Variants in CLASRP observed in about 807,000 individuals in gnomAD.
CLASRP encodes the protein CLK4-associating serine/arginine rich protein.
In CLASRP, 52 loss-of-function variants were observed where a neutral mutation model predicts 99.9. The observed-to-expected ratio is 0.52, with a 90% CI of 0.42 to 0.66. The LOEUF is 0.66. Ranked by LOEUF, CLASRP falls within the 30% of genes least tolerant of loss-of-function variation. CLASRP has a pLI of 0.00. For synonymous variants in CLASRP, 379 were observed against 373.0 expected, an observed-to-expected ratio of 1.02 and a Z score of -0.18; for missense variants, 848 against 999.2, an observed-to-expected ratio of 0.85 and a Z score of 2.04.
At chr19:45,053,779 A>G (rs1972071147) in intron 5 of CLASRP, among the ~76,000 whole-genome samples, 1 of 152,098 alleles carries the variant, frequency 6.6e-6, no homozygotes, top group South Asian at 2.1e-4. Flanking sequence ...ACGCCCAGCC[A>G]AGAATACGTT....
At position 45,067,474 on chromosome 19, in the gene CLASRP, C is replaced by CCAGCCCCAGCCAGAGCCGCAGCCG; in HGVS notation, c.1553_1576dup (p.Pro518_Ser525dup). Reference sequence around the variant, plus strand: ...CTGACTCGCAGCCGCAGCCATAGCCCCAGCCCCAGCCAGAGCCGCAGCCGC... The same window carrying CCAGCCCCAGCCAGAGCCGCAGCCG: ...CTGACTCGCAGCCGCAGCCATAGCCCCAGCCCCAGCCAGAGCCGCAGCCGCAGCCCCAGCCAGAGCCGCAGCCGC... On this transcript the variant is annotated inframe_insertion, in exon 14 of 21. Coordinates refer to ENST00000221455, the MANE Select transcript of CLASRP (RefSeq NM_007056.3). This position sits in a 1 kb window ranked among gnomAD's most constrained non-coding sequence, Gnocchi z 4.9. 1 of 1,561,740 alleles carries CCAGCCCCAGCCAGAGCCGCAGCCG rather than the reference C, an allele frequency of 6.4e-7. No homozygotes were observed. Among genetic ancestry groups the CCAGCCCCAGCCAGAGCCGCAGCCG allele is most frequent in the Non-Finnish European group, 8.6e-7 (1 of 1,158,532 alleles).
At chr19:45,063,164 C>T (rs981210815) in intron 11 of CLASRP, among the ~76,000 whole-genome samples, 5 of 151,516 alleles carry the variant, frequency 3.3e-5, no homozygotes, top group East Asian at 1.9e-4. Context: ...TTAAAAAACA[C>T]GTTTGTTTTT....
intron 3 of CLASRP, 102 bp downstream of exon 3, chr19:45,052,270 C>T (rs1225334607): frequency 3.2e-6 from 3 of 925,210 alleles, no homozygotes; most frequent in Non-Finnish European, 5.1e-6. Context: ...ATGGACAGAC[C>T]TTTGGGGACT....
At chr19:45,061,467 C>T (rs966011233) in intron 10 of CLASRP, among the ~76,000 whole-genome samples, 3 of 149,512 alleles carry the variant, frequency 2.0e-5, no homozygotes, top group Non-Finnish European at 3.0e-5. Context: ...GATAGTCTCT[C>T]TTTTTTTTTT....
intron 2 of CLASRP, among the ~76,000 whole-genome samples, chr19:45,045,512 G>A (rs753760392): frequency 1.6e-4 from 25 of 151,888 alleles, no homozygotes; most frequent in South Asian, 4.2e-4. Context: ...ATAAGACCCT[G>A]TCTTTAAAAA....
intron 3 of CLASRP, among the ~76,000 whole-genome samples, chr19:45,052,523 T>C (rs1325048305): frequency 2.6e-5 from 4 of 152,070 alleles, no homozygotes; most frequent in African/African-American, 7.2e-5. Context: ...TCCCCACTAT[T>C]GCTTGGTTGT....
At chr19:45,052,739 TG>T in intron 3 of CLASRP, 51 bp from the exon 4 acceptor site, 1 of 1,360,172 alleles carries the variant, frequency 7.4e-7, no homozygotes, top group Non-Finnish European at 1.0e-6. Flanking sequence ...CTTTGTGTCC[TG>T]GGCAGTATGG....
Position 45,064,520 on chromosome 19 carries a change from C to T in CLASRP, c.1299C>T (p.Ser433=), listed in dbSNP as rs756457538. 22 of 1,537,592 alleles carry T rather than the reference C, an allele frequency of 1.4e-5. No individual in the cohort carries two copies. Among genetic ancestry groups the T allele is most frequent in the Non-Finnish European group, 1.9e-5 (22 of 1,146,200 alleles). Residue 433 remains serine (S), a synonymous_variant, in exon 13 of 21, where the codon TCC becomes TCT. Transcript: ENST00000221455. The part of the protein sequence containing the change: ...SRSRSRSRRY[S]RSRSRGRRHS... ...CCCGCTCCCGCTCCCGGCGCTATTC[C>T]CGGTCCCGTAGCCGTGGCCGGCGGC...
intron 11 of CLASRP, among the ~76,000 whole-genome samples, chr19:45,063,079 G>C (rs1284288750): frequency 2.0e-5 from 3 of 152,168 alleles, no homozygotes; most frequent in Non-Finnish European, 2.9e-5. Context: ...GAAATAAAAG[G>C]TGTAGGTTAG....
chr19:45,069,843 C>T (rs1189773628), intron 18 of CLASRP, 179 bp from the exon 19 acceptor site: 37 of 577,972 alleles, frequency 6.4e-5, no homozygotes, highest in South Asian at 6.3e-5. Flanking sequence ...GGATTCCAGT[C>T]AGCCCCGCCA....
intron 3 of CLASRP, 142 bp from the exon 4 acceptor site, chr19:45,052,649 G>T: frequency 1.6e-6 from 1 of 632,868 alleles, no homozygotes. Flanking sequence ...AGAGCTGGGG[G>T]TTGAGGTGAG....
chr19:45,059,200 G>C, intron 7 of CLASRP, 68 bp from the exon 8 acceptor site: 1 of 1,367,064 alleles, frequency 7.3e-7, no homozygotes, highest in Non-Finnish European at 1.0e-6. Flanking sequence ...CCGCCTCCTG[G>C]AGCACTGCCC....
intron 6 of CLASRP, among the ~76,000 whole-genome samples, chr19:45,057,249 C>G (rs1399579334): frequency 6.6e-6 from 1 of 152,218 alleles, no homozygotes; most frequent in East Asian, 1.9e-4. Context: ...GTGACACCTT[C>G]CCTCCTGCTA....
At position 45,052,160 on chromosome 19, in the gene CLASRP, T is replaced by A. The variant is rs1288885405; in HGVS notation, c.189T>A (p.Pro63=). 1 of 1,613,682 alleles carries A rather than the reference T, an allele frequency of 6.2e-7. No individual in the cohort carries two copies. Among genetic ancestry groups the A allele is most frequent in the Non-Finnish European group, 8.5e-7 (1 of 1,179,878 alleles). Residue 63 remains proline, a synonymous_variant, in exon 3 of 21, where the codon CCT becomes CCA. Coordinates refer to ENST00000221455, the MANE Select transcript of CLASRP (RefSeq NM_007056.3). ...DSAVALAAES[P]VNMMPWQGDT... ...CAGTCGCCCTGGCCGCTGAGAGCCC[T>A]GTTAATATGTAAGACTGATATGGAA...
chr19:45,043,407 G>A (rs1322703754), intron 2 of CLASRP, among the ~76,000 whole-genome samples: 3 of 73,882 alleles, frequency 4.1e-5, no homozygotes, highest in Admixed American at 1.9e-4. Flanking sequence ...GCGAGACTCC[G>A]TCCCAAAAAA....
chr19:45,044,451 G>A (rs1971876497), intron 2 of CLASRP, among the ~76,000 whole-genome samples: 1 of 152,186 alleles, frequency 6.6e-6, no homozygotes, highest in African/African-American at 2.4e-5. Flanking sequence ...GGAGCACGGA[G>A]ATACGTGGCT....
At position 45,064,613 on chromosome 19, in the gene CLASRP, GCC is replaced by G; in HGVS notation, c.1395_1396del (p.Arg466AlafsTer26). ...RSPARRGGYG[P>X]RRRSRSRSHS... The stretch of plus-strand genomic sequence containing the variant: ...CGCCCGCCCGGCGTGGTGGTTACGG[GCC>G]CCGGCGCAGAAGCAGGTGTGTGTGG... On this transcript the variant is annotated frameshift_variant, in exon 13 of 21. Coordinates refer to ENST00000221455, the MANE Select transcript of CLASRP (RefSeq NM_007056.3). LOFTEE classifies it high-confidence loss of function. 6.4e-7 allele frequency: 1 copy of G among 1,551,918 alleles called. No individual in the cohort carries two copies. The highest frequency in any genetic ancestry group is 8.7e-7 in the Non-Finnish European group (1 of 1,154,792).
At chr19:45,047,892 T>C (rs1423928771) in intron 2 of CLASRP, among the ~76,000 whole-genome samples, 1 of 152,096 alleles carries the variant, frequency 6.6e-6, no homozygotes, top group Non-Finnish European at 1.5e-5. Flanking sequence ...AAGACCAGCC[T>C]GGCCAACGTG....
In CLASRP at chr19:45,059,331, C is replaced by T. The variant is rs781756057; in HGVS notation, c.677C>T (p.Thr226Met). The stretch of plus-strand genomic sequence containing the variant: ...GTGGCAGATCTCAACAAACAGGCCA[C>T]GACTTATGGCATGGCCGACGGTGAC... Reference protein sequence around the residue: ...EQVADLNKQATTYGMADGDFV... With the variant: ...EQVADLNKQAMTYGMADGDFV... Residue 226 changes from threonine to methionine, a missense_variant, in exon 8 of 21, where the codon ACG becomes ATG. Physicochemically the swap from Thr to Met is moderately conservative, Grantham distance 81. This residue lies in a region of CLASRP where 119 missense variants were observed against 170.2 expected (regional missense o/e 0.70). Transcript: ENST00000221455. 1.1e-5 allele frequency: 17 copies of T among 1,604,002 alleles called. No homozygotes were observed. The highest frequency in any genetic ancestry group is 9.4e-5 in the African/African-American group (7 of 74,762).
Sources: allele counts gnomAD v4.1 joint callset (sites outside exome capture counted in the v4.1 genomes callset), GRCh38; gene constraint gnomAD v4.1.1; regional missense constraint gnomAD v4.1.1; non-coding constraint Gnocchi (gnomAD v3.1); transcripts MANE v1.5; gene names NCBI Gene and HGNC (gene_info 2026-07-23, HGNC 2026-07-21).